The following SLC2A12 variants were observed in gnomAD, a reference collection of about 807,000 sequenced individuals.
SLC2A12 encodes the protein solute carrier family 2 member 12, also known as solute carrier family 2, facilitated glucose transporter member 12.
Under a neutral mutation model 41.8 loss-of-function variants are expected in SLC2A12, and 23 were observed. That is an observed-to-expected ratio of 0.55 (90% CI 0.40 to 0.78). The LOEUF is 0.78. Among genes scored for constraint, SLC2A12 ranks in the 30% least tolerant of loss-of-function variants. SLC2A12 has a pLI of 0.00. For synonymous variants in SLC2A12, 295 were observed against 285.9 expected (o/e 1.03, Z -0.32); for missense variants, 654 against 745.6 (o/e 0.88, Z 1.43).
At position 134,042,152 on chromosome 6, in the gene SLC2A12, C is replaced by T. The variant is rs149827146; in HGVS notation, c.103+10226G>A. ...TTTCTAATCAATAAATATAAAACTG[C>T]GAAGACAATTTTGTGAGGATTTGAA... is the stretch of plus-strand genomic sequence containing the variant. On this transcript the variant is annotated intron_variant, in intron 1 of 4. Coordinates refer to ENST00000275230, the MANE Select transcript of SLC2A12 (RefSeq NM_145176.3). Among the ~76,000 whole-genome samples, 302 of 152,080 alleles carry T rather than the reference C, an allele frequency of 2.0e-3. 1 individual carries two copies. Among genetic ancestry groups the T allele is most frequent in the African/African-American group, 5.7e-3 (236 of 41,466 alleles).
chr6:134,040,214 G>T (rs1777364254), intron 1 of SLC2A12, among the ~76,000 whole-genome samples: 1 of 151,992 alleles, frequency 6.6e-6, no homozygotes, highest in African/African-American at 2.4e-5. Context: ...GAGTAGCTGG[G>T]ACTACAGGTG....
intron 2 of SLC2A12, among the ~76,000 whole-genome samples, chr6:134,009,878 A>G (rs889756071): frequency 2.0e-5 from 3 of 152,084 alleles, no homozygotes; most frequent in African/African-American, 7.2e-5. Flanking sequence ...TATTTAAACA[A>G]TGATTCCAGA....
intron 1 of SLC2A12, among the ~76,000 whole-genome samples, chr6:134,030,418 T>G (rs1644415598): frequency 6.6e-6 from 1 of 152,068 alleles, no homozygotes; most frequent in Admixed American, 6.6e-5. Flanking sequence ...CCTTACTCAT[T>G]CTGAGTAAGG....
At chr6:133,997,513 G>A (rs137939861) in intron 4 of SLC2A12, among the ~76,000 whole-genome samples, 142 of 152,294 alleles carry the variant, frequency 9.3e-4, no homozygotes, top group African/African-American at 3.2e-3. Context: ...TACGGATGGA[G>A]CTGGAGGCCA....
chr6:134,005,807 T>C (rs541108812), intron 3 of SLC2A12, among the ~76,000 whole-genome samples: 1 of 152,030 alleles, frequency 6.6e-6, no homozygotes, highest in South Asian at 2.1e-4. Flanking sequence ...ACTTTTGTTA[T>C]TGTGGATTGG....
At chr6:134,009,809 C>T (rs935816062) in intron 2 of SLC2A12, among the ~76,000 whole-genome samples, 1 of 150,230 alleles carries the variant, frequency 6.7e-6, no homozygotes, top group Non-Finnish European at 1.5e-5. Flanking sequence ...CATACCACTG[C>T]ACTCTAGCCT....
chr6:133,996,181 A>G (rs1776684607), intron 4 of SLC2A12, among the ~76,000 whole-genome samples: 1 of 152,246 alleles, frequency 6.6e-6, no homozygotes, highest in Admixed American at 6.5e-5. Flanking sequence ...GGATGGATGG[A>G]TGAATGAAGA....
At chr6:134,032,502 T>A (rs1476318322) in intron 1 of SLC2A12, among the ~76,000 whole-genome samples, 4 of 100,160 alleles carry the variant, frequency 4.0e-5, no homozygotes, top group Non-Finnish European at 8.9e-5. Context: ...TCTGTTTCAC[T>A]GCTATATATA....
chr6:134,015,705 A>G (rs538825921), intron 2 of SLC2A12, among the ~76,000 whole-genome samples: 1 of 152,284 alleles, frequency 6.6e-6, no homozygotes, highest in East Asian at 1.9e-4. Flanking sequence ...TGCTTCTGCA[A>G]TGTCAGCCTC....
Position 133,990,968 on chromosome 6 carries a change from A to G in SLC2A12, c.*187T>C, listed in dbSNP as rs1183181222. 6.4e-6 allele frequency: 4 copies of G among 624,628 alleles called. No individual in the cohort carries two copies. The highest frequency in any genetic ancestry group is 1.1e-5 in the Non-Finnish European group (4 of 376,404). The allele number at this position is 624,628 out of a possible 1,614,324, so 38.7% of individuals were successfully genotyped here. ...GAGATCACTTAGGACCTTGTACCTC[A>G]TCTACCTTTTGAGGTTCCTTCTGGG... On this transcript the variant is annotated 3_prime_UTR_variant, in exon 5 of 5. Transcript: ENST00000275230.
chr6:134,010,529 A>C (rs1403551902), intron 2 of SLC2A12, among the ~76,000 whole-genome samples: 1 of 152,218 alleles, frequency 6.6e-6, no homozygotes, highest in Non-Finnish European at 1.5e-5. Flanking sequence ...GGACCGCCTC[A>C]GCAATTCGTA....
intron 1 of SLC2A12, among the ~76,000 whole-genome samples, chr6:134,039,135 T>C (rs554389410): frequency 6.6e-6 from 1 of 152,374 alleles, no homozygotes; most frequent in East Asian, 1.9e-4. Flanking sequence ...TTTGTCTATT[T>C]GTTTAGACAC....
chr6:134,048,029 C>T (rs913926893), intron 1 of SLC2A12, among the ~76,000 whole-genome samples: 9 of 152,206 alleles, frequency 5.9e-5, no homozygotes, highest in Non-Finnish European at 1.0e-4. Flanking sequence ...CTGCCGCGTA[C>T]GATGCATAGC....
At position 134,029,262 on chromosome 6, in the gene SLC2A12, G is replaced by A. The variant is rs766570661; in HGVS notation, c.563C>T (p.Ala188Val). Residue 188 changes from alanine (A) to valine (V), a missense_variant, in exon 2 of 5, where the codon GCA (alanine) becomes GTA (valine). Around this residue, in one of 3 missense-constraint regions of SLC2A12, gnomAD observed 411 missense variants for 412.1 expected, o/e 1.00. Coordinates refer to ENST00000275230, the MANE Select transcript of SLC2A12 (RefSeq NM_145176.3). ...CCAGCCATGGAAAACATTGGCAAAT[G>A]CGTAATTTGAAATATAGGCAGAAAG... ...GILSAYISNY[A>V]FANVFHGWKY... is the part of the protein sequence containing the mutation. The A allele has an allele frequency of 6.8e-6, 11 of 1,614,212 alleles. No homozygotes were observed. Among genetic ancestry groups the A allele is most frequent in the South Asian group, 1.1e-5 (1 of 91,082 alleles).
intron 2 of SLC2A12, among the ~76,000 whole-genome samples, chr6:134,012,682 G>A (rs1313193951): frequency 6.8e-6 from 1 of 146,014 alleles, no homozygotes; most frequent in Non-Finnish European, 1.5e-5. Flanking sequence ...AAAAATTTAG[G>A]AACAGGCCAG....
At chr6:133,992,762 G>C (rs917781681) in intron 4 of SLC2A12, among the ~76,000 whole-genome samples, 2 of 152,182 alleles carry the variant, frequency 1.3e-5, no homozygotes, top group Non-Finnish European at 2.9e-5. Flanking sequence ...TCGTCGTGGG[G>C]CTGAAGACTT....
At position 134,035,452 on chromosome 6, in the gene SLC2A12, C is replaced by A. The variant is rs182554641; in HGVS notation, c.104-5731G>T. Reference sequence around the variant, plus strand: ...GTGAGGCCCAAAAAATCTGGACAGGCCTTGCTGGGTTTCTGTTTCAGTTTA... The same window carrying A: ...GTGAGGCCCAAAAAATCTGGACAGGACTTGCTGGGTTTCTGTTTCAGTTTA... On this transcript the variant is annotated intron_variant, in intron 1 of 4. Coordinates refer to ENST00000275230, the MANE Select transcript of SLC2A12 (RefSeq NM_145176.3). 2.6e-3 allele frequency among the ~76,000 whole-genome samples: 391 copies of A among 152,258 alleles called. 2 individuals carry two copies. Among genetic ancestry groups the A allele is most frequent in the African/African-American group, 8.6e-3 (359 of 41,532 alleles).
chr6:134,032,826 TTA>T (rs1777240173), intron 1 of SLC2A12, among the ~76,000 whole-genome samples: 1 of 141,398 alleles, frequency 7.1e-6, no homozygotes, highest in Non-Finnish European at 1.5e-5. Context: ...TATATATAAA[TTA>T]TATATTATTT....
chr6:134,052,297 G>C, intron 1 of SLC2A12, 81 bp downstream of exon 1: 3 of 445,784 alleles, frequency 6.7e-6, no homozygotes, highest in Non-Finnish European at 1.1e-5. Flanking sequence ...ACACACACAC[G>C]GGACTCAAGA....
Sources: gnomAD v4.1 joint callset for allele counts (sites outside exome capture counted in the v4.1 genomes callset) on GRCh38, gnomAD v4.1.1 for gene constraint, gnomAD v4.1.1 regional missense constraint, MANE v1.5 for transcripts, NCBI Gene and HGNC (gene_info 2026-07-23, HGNC 2026-07-21) for gene names.